ANGPT4: variants seen among roughly 807,000 people sequenced by gnomAD.
ANGPT4 encodes the protein angiopoietin 4, also known as angiopoietin-4.
Under a neutral mutation model 53.0 loss-of-function variants are expected in ANGPT4, and 50 were observed. The observed-to-expected ratio is 0.94, with a 90% CI of 0.75 to 1.20. The LOEUF is 1.20. Among genes scored for constraint, ANGPT4 ranks in the 50% most tolerant of loss-of-function variants. The pLI is 0.00. For synonymous variants in ANGPT4, 251 were observed against 259.7 expected (o/e 0.97, Z 0.32); for missense variants, 648 against 637.1 (o/e 1.02, Z -0.18).
At chr20:904,950 G>A (rs951871497) in intron 1 of ANGPT4, among the ~76,000 whole-genome samples, 4 of 152,194 alleles carry the variant, frequency 2.6e-5, no homozygotes, top group African/African-American at 9.7e-5. Flanking sequence ...CAGAGGTTAT[G>A]CCTAGTGGTT....
At chr20:874,137 G>C in intron 8 of ANGPT4, 147 bp downstream of exon 8, 1 of 1,218,632 alleles carries the variant, frequency 8.2e-7, no homozygotes, top group East Asian at 2.5e-5. Flanking sequence ...AAGGGGCACA[G>C]CCAGGTGAGC....
chr20:898,588 C>T (rs988947244), intron 1 of ANGPT4, among the ~76,000 whole-genome samples: 1 of 152,132 alleles, frequency 6.6e-6, no homozygotes, highest in African/African-American at 2.4e-5. Flanking sequence ...GAAAAAGCTC[C>T]AAAAATGAGA....
At chr20:895,324 A>AGCTG (rs1212178284) in intron 1 of ANGPT4, among the ~76,000 whole-genome samples, 2 of 152,172 alleles carry the variant, frequency 1.3e-5, no homozygotes, top group African/African-American at 2.4e-5. Flanking sequence ...TCACCCTTCC[A>AGCTG]GCTGGCAAAG....
intron 6 of ANGPT4, among the ~76,000 whole-genome samples, chr20:879,537 A>C (rs961255556): frequency 9.9e-5 from 15 of 151,744 alleles, no homozygotes; most frequent in Non-Finnish European, 2.1e-4. Flanking sequence ...ATAAAGCTAA[A>C]CTTTTTTTCT....
At chr20:889,179 C>CA (rs1449615912) in intron 2 of ANGPT4, among the ~76,000 whole-genome samples, 3 of 151,870 alleles carry the variant, frequency 2.0e-5, no homozygotes, top group African/African-American at 7.3e-5. Flanking sequence ...CTCATCCCCC[C>CA]CCACCACTCC....
Position 872,049 on chromosome 20 carries a change from C to A in ANGPT4, c.*911G>T, listed in dbSNP as rs374495862. On this transcript the variant is annotated 3_prime_UTR_variant, in exon 9 of 9. Coordinates refer to ENST00000381922, the MANE Select transcript of ANGPT4 (RefSeq NM_015985.4). ...TCCTGTGAGATGCTCTGGGACAAAC[C>A]GAGCCCATTTTCAAATAAGTAAATT... The A allele has an allele frequency of 1.3e-5, 2 of 152,022 alleles. No individual in the cohort carries two copies. 9.4% of individuals were successfully genotyped at this position (152,022 alleles called of 1,614,324 possible). A position where few individuals can be genotyped will look rare whatever the true frequency, so the allele number is the denominator to read the frequency against.
intron 4 of ANGPT4, among the ~76,000 whole-genome samples, chr20:883,434 C>G (rs866243535): frequency 1.3e-5 from 2 of 152,358 alleles, no homozygotes; most frequent in Middle Eastern, 3.4e-3. Context: ...CTTTCACTAG[C>G]CTCCACCTGA....
In ANGPT4 at chr20:885,228, G is replaced by A. The variant is rs894721531; in HGVS notation, c.685C>T (p.Arg229Cys). 2 of 1,587,362 alleles carry A rather than the reference G, an allele frequency of 1.3e-6. No homozygotes were observed. The highest frequency in any genetic ancestry group is 1.3e-5 in the African/African-American group (1 of 74,528). ...KKAKLLNTLS[R>C]QSAALTNIER... ...ATGTTGGTGAGGGCGGCGCTCTGGC[G>A]GCTCAGCGTGTTCAGCAGCTTCGCC... Residue 229 changes from arginine to cysteine, a missense_variant, in exon 4 of 9, where the codon CGC (arginine) becomes TGC (cysteine). Physicochemically the swap from Arg to Cys is radical, Grantham distance 180. Transcript: ENST00000381922.
chr20:891,956 C>G (rs1222218993), intron 1 of ANGPT4, among the ~76,000 whole-genome samples: 1 of 152,120 alleles, frequency 6.6e-6, no homozygotes, highest in Non-Finnish European at 1.5e-5. Context: ...TGGTGCCCAG[C>G]CAACTGTGGT....
At chr20:903,070 G>T (rs144534490) in intron 1 of ANGPT4, among the ~76,000 whole-genome samples, 2,166 of 152,244 alleles carry the variant, frequency 0.014, 46 homozygotes, top group African/African-American at 0.048. Flanking sequence ...GGGGCTGGGC[G>T]GGTGAAAGTG....
chr20:877,668 A>G (rs1981220800), intron 7 of ANGPT4, among the ~76,000 whole-genome samples: 1 of 152,208 alleles, frequency 6.6e-6, no homozygotes, highest in Admixed American at 6.5e-5. Context: ...ATGATCTTAC[A>G]AGATCGTCAT....
chr20:913,643 C>T (rs775497660), intron 1 of ANGPT4, among the ~76,000 whole-genome samples: 12 of 152,194 alleles, frequency 7.9e-5, no homozygotes, highest in South Asian at 2.1e-4. Context: ...CCCAAGCATC[C>T]GACACCCAGG....
chr20:913,131 G>A (rs1337577910), intron 1 of ANGPT4, among the ~76,000 whole-genome samples: 1 of 152,176 alleles, frequency 6.6e-6, no homozygotes, highest in Non-Finnish European at 1.5e-5. Context: ...TGGCAATGGT[G>A]ATGATGGTGA....
intron 1 of ANGPT4, among the ~76,000 whole-genome samples, chr20:895,890 G>A (rs541496210): frequency 1.3e-5 from 2 of 151,958 alleles, no homozygotes; most frequent in East Asian, 1.9e-4. Flanking sequence ...GCCTGGGTCC[G>A]GGGAGGGGGT....
At chr20:888,587 G>A (rs918166357) in intron 2 of ANGPT4, 148 bp from the exon 3 acceptor site, 7 of 1,342,212 alleles carry the variant, frequency 5.2e-6, no homozygotes, top group Non-Finnish European at 6.9e-6. Context: ...CTCACTCACA[G>A]GCCCTGACTT....
chr20:886,036 T>C (rs567734275), intron 3 of ANGPT4, among the ~76,000 whole-genome samples: 1 of 152,240 alleles, frequency 6.6e-6, no homozygotes, highest in African/African-American at 2.4e-5. Context: ...AGGAGGAAGA[T>C]GGGGGCAGGA....
At chr20:878,410 C>T (rs951116569) in intron 6 of ANGPT4, 83 bp from the exon 7 acceptor site, 103 of 1,383,792 alleles carry the variant, frequency 7.4e-5, no homozygotes, top group African/African-American at 2.9e-4. Context: ...GGGCCAGGCT[C>T]CAGGGCTACT....
At chr20:906,776 C>A (rs1982492890) in intron 1 of ANGPT4, among the ~76,000 whole-genome samples, 1 of 152,218 alleles carries the variant, frequency 6.6e-6, no homozygotes, top group Admixed American at 6.5e-5. Context: ...GGGCCCAAGC[C>A]TTCCTCATTG....
At chr20:902,613 A>T (rs1203190622) in intron 1 of ANGPT4, among the ~76,000 whole-genome samples, 3 of 152,228 alleles carry the variant, frequency 2.0e-5, no homozygotes, top group African/African-American at 7.2e-5. Context: ...ATAATATAGG[A>T]CTATATCAGA....
Sources: allele counts gnomAD v4.1 joint callset (sites outside exome capture counted in the v4.1 genomes callset), GRCh38; gene constraint gnomAD v4.1.1; transcripts MANE v1.5; gene names NCBI Gene and HGNC (gene_info 2026-07-23, HGNC 2026-07-21).